ADGRL3: variants seen among roughly 807,000 people sequenced by gnomAD.
The protein encoded by ADGRL3 is calcium-independent alpha-latrotoxin receptor 3.
ADGRL3 carries 62 observed loss-of-function variants against 153.5 expected under a neutral mutation model. That is an observed-to-expected ratio of 0.40 (90% CI 0.33 to 0.50). The LOEUF (loss-of-function observed/expected upper bound fraction) is 0.50. Ranked by LOEUF, ADGRL3 falls within the 20% of genes least tolerant of loss-of-function variation. ADGRL3 has a pLI of 0.47. For missense variants in ADGRL3, 1,641 were observed against 1,859.4 expected (o/e 0.88, Z 2.16); for synonymous variants, 710 against 672.5 (o/e 1.06, Z -0.86).
chr4:61,370,232 A>C (rs1196360634), intron 1 of ADGRL3, among the ~76,000 whole-genome samples: 5 of 150,152 alleles, frequency 3.3e-5, no homozygotes, highest in Admixed American at 3.3e-4. Flanking sequence ...TATTTCCTTC[A>C]GTTCTGCTCT....
At chr4:61,951,604 G>A (rs960769194) in intron 17 of ADGRL3, among the ~76,000 whole-genome samples, 1 of 152,204 alleles carries the variant, frequency 6.6e-6, no homozygotes, top group Non-Finnish European at 1.5e-5. Context: ...AGTGGCTCAT[G>A]CAAGTAATCC....
At chr4:61,996,189 G>A in intron 19 of ADGRL3, 102 bp from the exon 20 acceptor site, 2 of 712,266 alleles carry the variant, frequency 2.8e-6, no homozygotes, top group South Asian at 3.5e-5. Context: ...TCTCCCAGTG[G>A]AATGCTTTGC....
At chr4:61,663,412 C>A (rs564832604) in intron 5 of ADGRL3, among the ~76,000 whole-genome samples, 1 of 152,234 alleles carries the variant, frequency 6.6e-6, no homozygotes, top group South Asian at 2.1e-4. Context: ...GCCACAGCCT[C>A]GCTGGGAGCT....
At chr4:62,064,104 A>G (rs1312481665) in intron 25 of ADGRL3, among the ~76,000 whole-genome samples, 1 of 152,110 alleles carries the variant, frequency 6.6e-6, no homozygotes, top group Non-Finnish European at 1.5e-5. Flanking sequence ...AAAGCATTTC[A>G]ATCAACTCTG....
chr4:61,406,053 AT>A (rs1293510848), intron 2 of ADGRL3, among the ~76,000 whole-genome samples: 2 of 152,042 alleles, frequency 1.3e-5, no homozygotes, highest in African/African-American at 4.8e-5. Context: ...AAAAACATTC[AT>A]AATGAAAATA....
intron 8 of ADGRL3, among the ~76,000 whole-genome samples, chr4:61,744,639 C>T (rs140610174): frequency 0.02 from 3,106 of 152,282 alleles, 72 homozygotes; most frequent in East Asian, 0.076. Flanking sequence ...CTCCAACAGA[C>T]CTGCAGCTGA....
At chr4:61,510,108 G>A (rs2098455540) in intron 3 of ADGRL3, among the ~76,000 whole-genome samples, 1 of 152,106 alleles carries the variant, frequency 6.6e-6, no homozygotes, top group African/African-American at 2.4e-5. Flanking sequence ...GCTTTTTAAT[G>A]GGATTATTTG....
chr4:61,810,645 T>C (rs1256724253), intron 8 of ADGRL3, among the ~76,000 whole-genome samples: 1 of 152,118 alleles, frequency 6.6e-6, no homozygotes, highest in African/African-American at 2.4e-5. Context: ...AAATAAAGGC[T>C]TTTCCAGAAT....
chr4:61,409,292 T>A (rs2097051607), intron 2 of ADGRL3, among the ~76,000 whole-genome samples: 1 of 139,000 alleles, frequency 7.2e-6, no homozygotes, highest in Non-Finnish European at 1.6e-5. Context: ...ATTATATATA[T>A]TAGACATCCA....
intron 13 of ADGRL3, among the ~76,000 whole-genome samples, chr4:61,916,410 G>A (rs895447491): frequency 6.6e-6 from 1 of 152,052 alleles, no homozygotes; most frequent in African/African-American, 2.4e-5. Flanking sequence ...CAAGGTAGAA[G>A]GATTTTTTGA....
intron 6 of ADGRL3, among the ~76,000 whole-genome samples, chr4:61,713,224 T>G (rs1160489199): frequency 6.6e-6 from 1 of 152,130 alleles, no homozygotes; most frequent in Non-Finnish European, 1.5e-5. Context: ...GCTCATTTCC[T>G]GCAATAAGAA....
chr4:62,055,682 TAA>T (rs1736631306), intron 25 of ADGRL3, among the ~76,000 whole-genome samples: 1 of 151,850 alleles, frequency 6.6e-6, no homozygotes, highest in South Asian at 2.1e-4. Context: ...TTTTTTTTAA[TAA>T]GTGACTTGGT....
intron 5 of ADGRL3, among the ~76,000 whole-genome samples, chr4:61,591,120 C>A (rs1368421872): frequency 4.6e-5 from 7 of 152,106 alleles, no homozygotes; most frequent in Admixed American, 4.6e-4. Context: ...AAGGATTGCC[C>A]TATCCTGATT....
chr4:61,595,373 A>G (rs183490656), intron 5 of ADGRL3, among the ~76,000 whole-genome samples: 5 of 152,208 alleles, frequency 3.3e-5, no homozygotes, highest in African/African-American at 1.2e-4. Flanking sequence ...TTTAGTCAGC[A>G]GGTAATAAGT....
intron 2 of ADGRL3, among the ~76,000 whole-genome samples, chr4:61,469,912 A>G (rs2097924537): frequency 6.6e-6 from 1 of 151,778 alleles, no homozygotes; most frequent in African/African-American, 2.4e-5. Context: ...ATTTTATTAT[A>G]TTTAGTTTGT....
chr4:61,636,295 A>G (rs1290834551), intron 5 of ADGRL3, among the ~76,000 whole-genome samples: 1 of 152,220 alleles, frequency 6.6e-6, no homozygotes, highest in Non-Finnish European at 1.5e-5. Context: ...GAAAGAATCA[A>G]TAGAATCAGA....
intron 2 of ADGRL3, among the ~76,000 whole-genome samples, chr4:61,493,127 T>C (rs2098275203): frequency 6.6e-6 from 1 of 152,198 alleles, no homozygotes; most frequent in Admixed American, 6.5e-5. Flanking sequence ...CTGTAGGTTA[T>C]GAGAAATCTA....
intron 1 of ADGRL3, among the ~76,000 whole-genome samples, chr4:61,372,812 G>T (rs1254361835): frequency 6.6e-6 from 1 of 152,180 alleles, no homozygotes; most frequent in South Asian, 2.1e-4. Flanking sequence ...GCAATGGCGG[G>T]CGCCCCTCCC....
At chr4:61,592,558 G>A (rs1479808431) in intron 5 of ADGRL3, among the ~76,000 whole-genome samples, 2 of 152,100 alleles carry the variant, frequency 1.3e-5, no homozygotes, top group Non-Finnish European at 2.9e-5. Flanking sequence ...AAGGAGAGAA[G>A]GAAGATAACT....
Sources: allele counts gnomAD v4.1 joint callset (sites outside exome capture counted in the v4.1 genomes callset), GRCh38; gene constraint gnomAD v4.1.1; transcripts MANE v1.5; gene names NCBI Gene and HGNC (gene_info 2026-07-23, HGNC 2026-07-21).